Variants in HDGFL3 observed in about 807,000 individuals in gnomAD.
HDGFL3 encodes HDGF like 3.
A neutral mutation model predicts 27.6 loss-of-function variants in HDGFL3; 6 were observed. That is an observed-to-expected ratio of 0.22 (90% CI 0.12 to 0.43). The LOEUF (loss-of-function observed/expected upper bound fraction) is 0.43, where lower values mean the gene tolerates loss of function less well. Among genes scored for constraint, HDGFL3 ranks in the 20% least tolerant of loss-of-function variants. The pLI is 1.00. For missense variants in HDGFL3, 207 were observed against 250.1 expected, an observed-to-expected ratio of 0.83 and a Z score of 1.16; for synonymous variants, 88 against 88.9, an observed-to-expected ratio of 0.99 and a Z score of 0.05.
chr15:83,185,773 T>TA (rs1393038911), intron 1 of HDGFL3, among the ~76,000 whole-genome samples: 1 of 152,158 alleles, frequency 6.6e-6, no homozygotes, highest in African/African-American at 2.4e-5. Context: ...TATCCTTACA[T>TA]AAAATCCCCT....
chr15:83,122,093 C>A, intron 3 of HDGFL3: 1 of 984,242 alleles, frequency 1.0e-6, no homozygotes, highest in Non-Finnish European at 1.6e-6. Flanking sequence ...TATAATAGAA[C>A]CAAGTGATTC....
chr15:83,144,959 A>C (rs1285798837), intron 5 of HDGFL3: 1 of 158,596 alleles, frequency 6.3e-6, no homozygotes, highest in African/African-American at 2.4e-5. Context: ...CCTTCTATCC[A>C]TATGAATCGA....
intron 1 of HDGFL3, among the ~76,000 whole-genome samples, chr15:83,205,360 G>A (rs1185223007): frequency 1.3e-5 from 2 of 152,150 alleles, no homozygotes. Context: ...TGAGGAGCTC[G>A]TTAAATGTGA....
At chr15:83,144,634 A>C in intron 5 of HDGFL3, 1 of 422,286 alleles carries the variant, frequency 2.4e-6, no homozygotes, top group Non-Finnish European at 4.7e-6. Context: ...AACAACCGTG[A>C]GGAGCTGAAT....
chr15:83,168,451 G>A (rs1051081242), intron 1 of HDGFL3, among the ~76,000 whole-genome samples: 2 of 152,172 alleles, frequency 1.3e-5, no homozygotes, highest in African/African-American at 2.4e-5. Context: ...AAGCACAATC[G>A]GAAGTGACTA....
intron 1 of HDGFL3, among the ~76,000 whole-genome samples, chr15:83,172,665 C>T (rs1200363375): frequency 6.6e-6 from 1 of 151,890 alleles, no homozygotes; most frequent in Non-Finnish European, 1.5e-5. Flanking sequence ...TGGTGAAACT[C>T]CGTCTCTACT....
intron 3 of HDGFL3, among the ~76,000 whole-genome samples, chr15:83,117,122 A>G (rs559238128): frequency 2.6e-5 from 4 of 152,190 alleles, no homozygotes; most frequent in African/African-American, 9.7e-5. Flanking sequence ...CTGCTGTAGC[A>G]TTTTAAAAAT....
chr15:83,160,418 C>A (rs2151403747), intron 2 of HDGFL3, among the ~76,000 whole-genome samples: 1 of 152,168 alleles, frequency 6.6e-6, no homozygotes, highest in Non-Finnish European at 1.5e-5. Flanking sequence ...ATCTCCTGAC[C>A]TTGTGATCCG....
intron 1 of HDGFL3, chr15:83,192,194 G>A (rs555848624): frequency 2.2e-4 from 90 of 411,604 alleles, no homozygotes; most frequent in Non-Finnish European, 3.9e-4. Flanking sequence ...CACCTGCCTC[G>A]GCCTCCCAAA....
chr15:83,171,901 G>T (rs2037250885), intron 1 of HDGFL3, among the ~76,000 whole-genome samples: 1 of 151,894 alleles, frequency 6.6e-6, no homozygotes, highest in African/African-American at 2.4e-5. Flanking sequence ...AAAATTAAAA[G>T]AAAAAAAGAA....
chr15:83,147,069 CTTT>C (rs869185110), intron 5 of HDGFL3, among the ~76,000 whole-genome samples: 1 of 145,374 alleles, frequency 6.9e-6, no homozygotes, highest in African/African-American at 2.5e-5. Context: ...TACCTTCTTT[CTTT>C]TTTTTTTTTG....
rs184327598 is a variant in HDGFL3, at chr15:83,187,144, T to A, written c.84+20187A>T. ...ATGGGCTGTATGTCACAGAAGCTACTTTTCTTGGAAATTCTTTTTTTTTTT... is the reference window on the plus strand; with the variant it reads ...ATGGGCTGTATGTCACAGAAGCTACATTTCTTGGAAATTCTTTTTTTTTTT... On this transcript the variant is annotated intron_variant, in intron 1 of 5. Transcript: ENST00000299633. Among the ~76,000 whole-genome samples the A allele has an allele frequency of 3.4e-3, 525 of 152,192 alleles. 1 individual carries two copies. The highest frequency in any genetic ancestry group is 5.3e-3 in the Non-Finnish European group (363 of 68,018).
chr15:83,122,600 C>G (rs1356809363), intron 3 of HDGFL3, among the ~76,000 whole-genome samples: 1 of 152,042 alleles, frequency 6.6e-6, no homozygotes, highest in Non-Finnish European at 1.5e-5. Flanking sequence ...TAATACACAT[C>G]TAGTATTTTA....
intron 1 of HDGFL3, among the ~76,000 whole-genome samples, chr15:83,181,745 G>C (rs1567174542): frequency 6.6e-6 from 1 of 152,176 alleles, no homozygotes; most frequent in Non-Finnish European, 1.5e-5. Flanking sequence ...TGAAGTACTG[G>C]GATTACAGGC....
intron 1 of HDGFL3, among the ~76,000 whole-genome samples, chr15:83,202,485 AATGAAGTTTCT>A (rs1286811563): frequency 6.6e-6 from 1 of 152,114 alleles, no homozygotes; most frequent in Non-Finnish European, 1.5e-5. Flanking sequence ...TAAAGTAGAA[AATGAAGTTTCT>A]ATAATAAGTC....
intron 1 of HDGFL3, among the ~76,000 whole-genome samples, chr15:83,184,096 T>G (rs983680107): frequency 3.9e-5 from 6 of 152,262 alleles, no homozygotes; most frequent in Non-Finnish European, 8.8e-5. Context: ...TTCATAACAG[T>G]TGTGCCAATT....
chr15:83,124,231 T>A (rs1256021881), downstream of HDGFL3, among the ~76,000 whole-genome samples: 1 of 152,168 alleles, frequency 6.6e-6, no homozygotes, highest in Non-Finnish European at 1.5e-5. Flanking sequence ...ACAGGAATAA[T>A]TTTATATATA....
In HDGFL3 at chr15:83,133,680, AC is replaced by A. The variant is rs1302405774; in HGVS notation, c.*5589del. 2.0e-5 allele frequency: 3 copies of A among 152,234 alleles called. No homozygotes were observed. The highest frequency in any genetic ancestry group is 4.4e-5 in the Non-Finnish European group (3 of 68,038). The allele number at this position is 152,234 out of a possible 1,614,324, so 9.4% of individuals were successfully genotyped here. A position where few individuals can be genotyped will look rare whatever the true frequency, so the allele number is the denominator to read the frequency against. On this transcript the variant is annotated 3_prime_UTR_variant, in exon 6 of 6. Transcript: ENST00000299633. ...GTTCACTGAGCCACCTGACCCCAGC[AC>A]AGGCTCAGGCTGAGCTCTTCAGGTC...
intron 1 of HDGFL3, among the ~76,000 whole-genome samples, chr15:83,175,850 A>G (rs1482087175): frequency 1.3e-5 from 2 of 152,212 alleles, no homozygotes; most frequent in Non-Finnish European, 2.9e-5. Context: ...ACAGAGCGAG[A>G]CTTCGTCTCA....
Sources: allele counts gnomAD v4.1 joint callset (sites outside exome capture counted in the v4.1 genomes callset), GRCh38; gene constraint gnomAD v4.1.1; transcripts MANE v1.5; gene names NCBI Gene and HGNC (gene_info 2026-07-23, HGNC 2026-07-21).